SPECC1: variants seen among roughly 807,000 people sequenced by gnomAD.
The protein encoded by SPECC1 is sperm antigen with calponin homology and coiled-coil domains 1, also known as cytospin-B.
A neutral mutation model predicts 104.1 loss-of-function variants in SPECC1; 62 were observed. That is an observed-to-expected ratio of 0.60 (90% CI 0.49 to 0.74). The LOEUF is 0.74. Ranked by LOEUF, SPECC1 falls within the 30% of genes least tolerant of loss-of-function variation. The probability of loss-of-function intolerance (pLI) is 0.00; values close to 1 mark genes in which losing one functional copy is unlikely to be tolerated. For missense variants in SPECC1, 1,306 were observed against 1,310.5 expected, an observed-to-expected ratio of 1.00 and a Z score of 0.05; for synonymous variants, 513 against 501.6, an observed-to-expected ratio of 1.02 and a Z score of -0.30.
chr17:20,273,477 AG>A (rs2040476159), intron 12 of SPECC1, among the ~76,000 whole-genome samples: 1 of 143,496 alleles, frequency 7.0e-6, no homozygotes, highest in African/African-American at 2.6e-5. Context: ...AAAAAAAAAA[AG>A]AAGAGGCCTG....
chr17:20,274,532 TAGTCTCAAAAA>T (rs2040512789), intron 12 of SPECC1, among the ~76,000 whole-genome samples: 1 of 139,710 alleles, frequency 7.2e-6, no homozygotes, highest in Admixed American at 7.4e-5. Context: ...TTTTGAGAGG[TAGTCTCAAAAA>T]AGTCTCGGCT....
rs2048421864 is a variant in SPECC1, at chr17:20,110,312, G to A, written c.148-115G>A. On this transcript the variant is annotated intron_variant, in intron 2 of 14. Coordinates refer to ENST00000395527, the MANE Select transcript of SPECC1 (RefSeq NM_001243439.2). The stretch of plus-strand genomic sequence containing the variant: ...ACTCTATCATGCTACTCAAAGTGCT[G>A]TTATTGTATCTTGACTGCTGGGCAC... The A allele has an allele frequency of 2.3e-6, 3 of 1,276,702 alleles. No individual in the cohort carries two copies. The Admixed American group carries it at 7.0e-5, about 30-fold the overall frequency. 79.1% of individuals were successfully genotyped at this position (1,276,702 alleles called of 1,614,324 possible). A position where few individuals can be genotyped will look rare whatever the true frequency, so the allele number is the denominator to read the frequency against.
rs398041591 is a variant in SPECC1 at position 20,314,692 on chromosome 17, TC to T, written c.*635del. 2 of 151,488 alleles carry T rather than the reference TC, an allele frequency of 1.3e-5. No individual in the cohort carries two copies. The highest frequency in any genetic ancestry group is 2.6e-5 in the Non-Finnish European group (2 of 77,916). The allele number at this position is 151,488 out of a possible 1,614,324, so 9.4% of individuals were successfully genotyped here. A position where few individuals can be genotyped will look rare whatever the true frequency, so the allele number is the denominator to read the frequency against. The stretch of plus-strand genomic sequence containing the variant: ...CCCTTGTGAACCCTCCCTTCCCCCC[TC>T]CCCCCCCAAAAAAAAACAACAAAAC... On this transcript the variant is annotated 3_prime_UTR_variant, in exon 15 of 15. Coordinates refer to ENST00000395527, the MANE Select transcript of SPECC1 (RefSeq NM_001243439.2).
Position 20,205,926 on chromosome 17 carries a change from G to A in SPECC1, c.1863+14G>A, listed in dbSNP as rs779761429. On this transcript the variant is annotated intron_variant, in intron 4 of 14. Coordinates refer to ENST00000395527, the MANE Select transcript of SPECC1 (RefSeq NM_001243439.2). ...CTGCTGGCCAAGGTGAGAAGAGACA[G>A]CTCTTTACTGGTATTTGCTCATCCT... is the stretch of plus-strand genomic sequence containing the variant. 1.3e-6 allele frequency: 2 copies of A among 1,594,140 alleles called. No individual in the cohort carries two copies. The highest frequency in any genetic ancestry group is 1.7e-6 in the Non-Finnish European group (2 of 1,174,370).
chr17:20,133,966 GTGTT>G (rs1224936194), intron 3 of SPECC1, among the ~76,000 whole-genome samples: 1 of 151,956 alleles, frequency 6.6e-6, no homozygotes, highest in African/African-American at 2.4e-5. Flanking sequence ...GGCCCAGATG[GTGTT>G]ATTCATAACA....
chr17:20,194,501 A>ATTTTTTTTTTTTTTTTTTTTTTTTTT (rs1567923485), intron 3 of SPECC1, among the ~76,000 whole-genome samples: 1 of 68,130 alleles, frequency 1.5e-5, no homozygotes, highest in East Asian at 1.2e-3. Context: ...AAAGAGAACG[A>ATTTTTTTTTTTTTTTTTTTTTTTTTT]ATTTTTTTTT....
At chr17:20,307,822 T>C (rs923369972) in intron 14 of SPECC1, among the ~76,000 whole-genome samples, 2 of 152,158 alleles carry the variant, frequency 1.3e-5, no homozygotes, top group African/African-American at 4.8e-5. Flanking sequence ...GAAAGGATAA[T>C]GAAAGAGTCC....
At chr17:20,090,141 G>A (rs1334286652) in intron 1 of SPECC1, among the ~76,000 whole-genome samples, 2 of 152,200 alleles carry the variant, frequency 1.3e-5, no homozygotes, top group Non-Finnish European at 2.9e-5. Context: ...CGGGCCATGG[G>A]AGCTGGGCAG....
intron 1 of SPECC1, among the ~76,000 whole-genome samples, chr17:20,031,096 G>C (rs755930219): frequency 2.1e-4 from 32 of 152,156 alleles, no homozygotes; most frequent in Non-Finnish European, 3.7e-4. Context: ...CTGGGTTCAA[G>C]CAATTCTCGT....
chr17:20,114,491 GT>G (rs74790706), intron 3 of SPECC1, among the ~76,000 whole-genome samples: 27 of 134,198 alleles, frequency 2.0e-4, no homozygotes, highest in South Asian at 1.2e-3. Context: ...CGCCCAGCCT[GT>G]TTTTTTTTTT....
chr17:20,164,782 G>T (rs1209790953), intron 3 of SPECC1, among the ~76,000 whole-genome samples: 1 of 152,102 alleles, frequency 6.6e-6, no homozygotes, highest in Non-Finnish European at 1.5e-5. Context: ...GAAGAAAGAG[G>T]TGTCATAATA....
At chr17:20,313,205 C>A (rs140244967) in intron 14 of SPECC1, among the ~76,000 whole-genome samples, 1 of 152,040 alleles carries the variant, frequency 6.6e-6, no homozygotes, top group Non-Finnish European at 1.5e-5. Flanking sequence ...TAAAAACCAG[C>A]AAATTAGCAA....
At chr17:20,046,348 C>T (rs930246871) in intron 1 of SPECC1, among the ~76,000 whole-genome samples, 4 of 152,096 alleles carry the variant, frequency 2.6e-5, no homozygotes, top group African/African-American at 9.7e-5. Context: ...ATAGTTAACC[C>T]AGACCATGAG....
intron 1 of SPECC1, among the ~76,000 whole-genome samples, chr17:20,070,590 G>A (rs998283729): frequency 3.3e-5 from 5 of 151,862 alleles, no homozygotes; most frequent in Admixed American, 1.3e-4. Context: ...GCTGCATAAG[G>A]CTTAATTATG....
intron 10 of SPECC1, among the ~76,000 whole-genome samples, chr17:20,257,191 G>T (rs150782304): frequency 1.3e-5 from 2 of 152,274 alleles, no homozygotes; most frequent in East Asian, 1.9e-4. Context: ...ACACATGCTT[G>T]GTGTAATGCT....
chr17:20,229,290 GA>G (rs1445846142), intron 5 of SPECC1, among the ~76,000 whole-genome samples: 2 of 152,168 alleles, frequency 1.3e-5, no homozygotes, highest in African/African-American at 4.8e-5. Flanking sequence ...CACCTACAGA[GA>G]AAACACGTGT....
rs1402048492 is a variant in SPECC1 at position 20,206,064 on chromosome 17, A to T, written c.1863+152A>T. ...AGCTTGAAGGCCTGTTAGATTGCAC[A>T]CAGGTTGGGATTGGGGGATACAAAA... On this transcript the variant is annotated intron_variant, in intron 4 of 14. Coordinates refer to ENST00000395527, the MANE Select transcript of SPECC1 (RefSeq NM_001243439.2). The T allele has an allele frequency of 6.1e-6, 7 of 1,149,420 alleles. No individual in the cohort carries two copies. In the Admixed American group the frequency reaches 1.7e-4, roughly 28 times the overall value. The allele number at this position is 1,149,420 out of a possible 1,614,324, so 71.2% of individuals were successfully genotyped here.
intron 5 of SPECC1, among the ~76,000 whole-genome samples, chr17:20,228,279 A>G (rs1342548734): frequency 6.6e-6 from 1 of 152,074 alleles, no homozygotes; most frequent in Non-Finnish European, 1.5e-5. Flanking sequence ...TGCAGCCTCA[A>G]ACTCCTGGGC....
chr17:20,288,236 G>A (rs2041026499), intron 12 of SPECC1, among the ~76,000 whole-genome samples: 1 of 152,074 alleles, frequency 6.6e-6, no homozygotes, highest in Non-Finnish European at 1.5e-5. Context: ...TATTGTGAAT[G>A]GTGCTGCAGT....
Sources: allele counts gnomAD v4.1 joint callset (sites outside exome capture counted in the v4.1 genomes callset), GRCh38; gene constraint gnomAD v4.1.1; transcripts MANE v1.5; gene names NCBI Gene and HGNC (gene_info 2026-07-23, HGNC 2026-07-21).